LRRC7: variants seen among roughly 807,000 people sequenced by gnomAD.
The protein encoded by LRRC7 is leucine-rich repeat-containing protein 7.
A neutral mutation model predicts 175.7 loss-of-function variants in LRRC7; 23 were observed. That is an observed-to-expected ratio of 0.13 (90% CI 0.09 to 0.19). The LOEUF (loss-of-function observed/expected upper bound fraction) is 0.19, where lower values mean the gene tolerates loss of function less well. LRRC7 is among the 10% of genes least tolerant of loss of function. The pLI is 1.00. For missense variants in LRRC7, 1,354 were observed against 1,904.7 expected, an observed-to-expected ratio of 0.71 and a Z score of 5.38; for synonymous variants, 685 against 680.9, an observed-to-expected ratio of 1.01 and a Z score of -0.09.
chr1:69,780,485 A>G (rs1673358790), intron 3 of LRRC7, among the ~76,000 whole-genome samples: 1 of 152,146 alleles, frequency 6.6e-6, no homozygotes, highest in African/African-American at 2.4e-5. Flanking sequence ...GGGAAAGGAT[A>G]GAAGGGAGGA....
intron 2 of LRRC7, among the ~76,000 whole-genome samples, chr1:69,747,378 G>C (rs1669369954): frequency 6.6e-6 from 1 of 152,178 alleles, no homozygotes; most frequent in East Asian, 1.9e-4. Flanking sequence ...TATGGGTGTG[G>C]TCCCAGAGGA....
rs1350791792 is a variant in LRRC7, at chr1:70,127,787, C to T, written c.*5900C>T. 6.6e-6 allele frequency among the ~76,000 whole-genome samples: 1 copy of T among 152,290 alleles called. No homozygotes were observed. Among genetic ancestry groups the T allele is most frequent in the African/African-American group, 2.4e-5 (1 of 41,562 alleles). ...TCAAAAGGTGGAAGGTTGTGAAATT[C>T]ACGCAGCATTTATGTAAACATTCCA... On this transcript the variant is annotated 3_prime_UTR_variant, in exon 27 of 27. Coordinates refer to ENST00000651989, the MANE Select transcript of LRRC7 (RefSeq NM_001370785.2).
At chr1:69,782,254 T>C (rs1361634894) in intron 3 of LRRC7, among the ~76,000 whole-genome samples, 1 of 152,208 alleles carries the variant, frequency 6.6e-6, no homozygotes, top group East Asian at 1.9e-4. Flanking sequence ...AACCACTTAC[T>C]GAGAAGGTAC....
Position 69,962,393 on chromosome 1 carries a change from T to C in LRRC7, c.712-17986T>C, listed in dbSNP as rs183266143. Among the ~76,000 whole-genome samples, 4 of 152,318 alleles carry C rather than the reference T, an allele frequency of 2.6e-5. No individual in the cohort carries two copies. In the East Asian group the frequency reaches 7.7e-4, roughly 29 times the overall value. Reference sequence around the variant, plus strand: ...ATACACTGTGGGTGGAAGTGTAAATTAGTTCAACCATTGTGGAAGATAGTG... The same window carrying C: ...ATACACTGTGGGTGGAAGTGTAAATCAGTTCAACCATTGTGGAAGATAGTG... On this transcript the variant is annotated intron_variant, in intron 8 of 26. Transcript: ENST00000651989.
At chr1:69,763,351 C>T (rs1414929833) in intron 3 of LRRC7, among the ~76,000 whole-genome samples, 1 of 152,182 alleles carries the variant, frequency 6.6e-6, no homozygotes, top group Admixed American at 6.6e-5. Flanking sequence ...AAAACAGAAA[C>T]ATCTGACTCC....
Position 70,054,746 on chromosome 1 carries a change from C to T in LRRC7, c.4230+1601C>T, listed in dbSNP as rs546182354. On this transcript the variant is annotated intron_variant, in intron 23 of 26. Transcript: ENST00000651989. Reference sequence around the variant, plus strand: ...TCCCGAGTAGCTGGGACTACAGGGGCCTGCCACCATGCCTGGCCAATTTTT... The same window carrying T: ...TCCCGAGTAGCTGGGACTACAGGGGTCTGCCACCATGCCTGGCCAATTTTT... Among the ~76,000 whole-genome samples, 12 of 151,890 alleles carry T rather than the reference C, an allele frequency of 7.9e-5. No individual in the cohort carries two copies. In the East Asian group the frequency reaches 1.9e-3, roughly 25 times the overall value.
intron 2 of LRRC7, among the ~76,000 whole-genome samples, chr1:69,707,555 TCA>T (rs1321668359): frequency 3.8e-4 from 58 of 152,300 alleles, no homozygotes; most frequent in African/African-American, 1.4e-3. Flanking sequence ...CAACTCTGTC[TCA>T]GGCAGTCTGA....
intron 1 of LRRC7, among the ~76,000 whole-genome samples, chr1:69,597,585 G>A (rs1185221506): frequency 1.3e-5 from 2 of 152,032 alleles, no homozygotes; most frequent in Non-Finnish European, 2.9e-5. Context: ...TTTGAATCCT[G>A]GCATCAAGCA....
intron 3 of LRRC7, among the ~76,000 whole-genome samples, chr1:69,760,960 TAC>T (rs59808973): frequency 0.04 from 5,992 of 149,300 alleles, 115 homozygotes; most frequent in South Asian, 0.056. Flanking sequence ...TTTGTGCACA[TAC>T]ACACACACAC....
intron 1 of LRRC7, among the ~76,000 whole-genome samples, chr1:69,580,619 A>G (rs960045596): frequency 1.3e-5 from 2 of 152,150 alleles, no homozygotes; most frequent in Non-Finnish European, 2.9e-5. Flanking sequence ...AAAATCTACC[A>G]TATCTACTGG....
At chr1:69,591,342 G>A (rs1377239052) in intron 1 of LRRC7, among the ~76,000 whole-genome samples, 2 of 152,010 alleles carry the variant, frequency 1.3e-5, no homozygotes, top group Non-Finnish European at 2.9e-5. Context: ...TATCTAAAGT[G>A]TCTGAGAATT....
chr1:70,036,818 G>T (rs1659363947), intron 20 of LRRC7, among the ~76,000 whole-genome samples, 194 bp downstream of exon 20: 1 of 152,092 alleles, frequency 6.6e-6, no homozygotes, highest in Non-Finnish European at 1.5e-5. Flanking sequence ...GAGGCCATTG[G>T]TTAAGGAAGA....
At position 70,131,714 on chromosome 1, in the gene LRRC7, T is replaced by G. The variant is rs1220933148; in HGVS notation, c.*9827T>G. ...AAACAGCCACCATTGCTGTCTTTGATAGCATGATGCCTCAAACTCTCCAGG... is the reference window on the plus strand; with the variant it reads ...AAACAGCCACCATTGCTGTCTTTGAGAGCATGATGCCTCAAACTCTCCAGG... On this transcript the variant is annotated 3_prime_UTR_variant, in exon 27 of 27. Coordinates refer to ENST00000651989, the MANE Select transcript of LRRC7 (RefSeq NM_001370785.2). Among the ~76,000 whole-genome samples the G allele has an allele frequency of 6.6e-6, 1 of 152,226 alleles. No homozygotes were observed. Among genetic ancestry groups the G allele is most frequent in the Admixed American group, 6.5e-5 (1 of 15,286 alleles).
chr1:69,815,008 C>T (rs1678415487), intron 4 of LRRC7, among the ~76,000 whole-genome samples: 1 of 152,148 alleles, frequency 6.6e-6, no homozygotes, highest in Non-Finnish European at 1.5e-5. Flanking sequence ...GCGTAAATTT[C>T]CTGTCAATAT....
Position 70,043,381 on chromosome 1 carries a change from A to G in LRRC7, c.3970-573A>G, listed in dbSNP as rs80125323. Among the ~76,000 whole-genome samples, 540 of 152,288 alleles carry G rather than the reference A, an allele frequency of 3.5e-3. 7 individuals carry two copies. Among genetic ancestry groups the G allele is most frequent in the African/African-American group, 0.013 (522 of 41,562 alleles). ...TTAGCTGAATTAATAAGTAAGTTCA[A>G]TCAAGCCTATGGTAAGCTCAAATGG... is the stretch of plus-strand genomic sequence containing the variant. On this transcript the variant is annotated intron_variant, in intron 21 of 26. Coordinates refer to ENST00000651989, the MANE Select transcript of LRRC7 (RefSeq NM_001370785.2).
intron 1 of LRRC7, among the ~76,000 whole-genome samples, chr1:69,642,327 C>T (rs182573598): frequency 6.6e-6 from 1 of 151,680 alleles, no homozygotes; most frequent in East Asian, 1.9e-4. Context: ...TTTTCTAATG[C>T]AAATAAACCA....
At chr1:69,923,260 T>C (rs1396729961) in intron 7 of LRRC7, among the ~76,000 whole-genome samples, 1 of 152,198 alleles carries the variant, frequency 6.6e-6, no homozygotes, top group Non-Finnish European at 1.5e-5. Context: ...CTATTGTGAA[T>C]AGTGCTGCAA....
At chr1:69,981,228 A>G (rs562876277) in intron 9 of LRRC7, among the ~76,000 whole-genome samples, 1 of 152,214 alleles carries the variant, frequency 6.6e-6, no homozygotes, top group Non-Finnish European at 1.5e-5. Flanking sequence ...CAGCAGGTGA[A>G]TATGTAATAA....
chr1:69,992,130 A>G (rs1248255246), intron 10 of LRRC7, among the ~76,000 whole-genome samples: 1 of 152,102 alleles, frequency 6.6e-6, no homozygotes, highest in Admixed American at 6.6e-5. Context: ...CTATTAAGTG[A>G]TAGTAGTAAT....
Sources: gnomAD v4.1 joint callset for allele counts (sites outside exome capture counted in the v4.1 genomes callset) on GRCh38, gnomAD v4.1.1 for gene constraint, MANE v1.5 for transcripts, NCBI Gene and HGNC (gene_info 2026-07-23, HGNC 2026-07-21) for gene names.